ADGRB3: variants seen among roughly 807,000 people sequenced by gnomAD.
ADGRB3 encodes brain-specific angiogenesis inhibitor 3.
Under a neutral mutation model 193.4 loss-of-function variants are expected in ADGRB3, and 37 were observed. That is an observed-to-expected ratio of 0.19 (90% CI 0.15 to 0.25). The LOEUF (loss-of-function observed/expected upper bound fraction) is 0.25, where lower values mean the gene tolerates loss of function less well. ADGRB3 is among the 10% of genes least tolerant of loss of function. The pLI, the probability that ADGRB3 is intolerant of heterozygous loss-of-function variation, is 1.00. For synonymous variants in ADGRB3, 690 were observed against 644.2 expected (o/e 1.07, Z -1.08); for missense variants, 1,637 against 1,852.9 (o/e 0.88, Z 2.14).
intron 11 of ADGRB3, among the ~76,000 whole-genome samples, chr6:69,010,891 A>G (rs145688219): frequency 2.2e-4 from 34 of 152,162 alleles, no homozygotes; most frequent in African/African-American, 7.2e-4. Flanking sequence ...TCCATAAATC[A>G]TCAAAAGAGA....
intron 3 of ADGRB3, among the ~76,000 whole-genome samples, chr6:68,725,035 C>T (rs1322943030): frequency 2.6e-5 from 4 of 151,630 alleles, no homozygotes; most frequent in Admixed American, 2.6e-4. Flanking sequence ...AATTGCACCA[C>T]CAACCACATT....
chr6:69,092,723 T>C (rs564992158), intron 17 of ADGRB3, among the ~76,000 whole-genome samples: 1 of 152,002 alleles, frequency 6.6e-6, no homozygotes, highest in Admixed American at 6.5e-5. Context: ...GCAGAACCAA[T>C]CAGACTAGGG....
At chr6:69,229,638 C>A (rs1192075465) in intron 17 of ADGRB3, among the ~76,000 whole-genome samples, 1 of 152,230 alleles carries the variant, frequency 6.6e-6, no homozygotes, top group South Asian at 2.1e-4. Context: ...TTGGAAAGAT[C>A]AAAAGTATGA....
chr6:68,714,098 T>A (rs1469150235), intron 3 of ADGRB3, among the ~76,000 whole-genome samples: 1 of 151,688 alleles, frequency 6.6e-6, no homozygotes, highest in Admixed American at 6.6e-5. Context: ...TTTGTACTCA[T>A]TTTTTTAACT....
chr6:68,830,341 A>T (rs1397384459), intron 3 of ADGRB3, among the ~76,000 whole-genome samples: 1 of 152,182 alleles, frequency 6.6e-6, no homozygotes, highest in Non-Finnish European at 1.5e-5. Flanking sequence ...AATGGAATTT[A>T]TAATGTGAAC....
intron 3 of ADGRB3, among the ~76,000 whole-genome samples, chr6:68,763,236 G>T (rs917567160): frequency 6.6e-6 from 1 of 151,912 alleles, no homozygotes. Flanking sequence ...GATTACAGGC[G>T]CCCACCATAA....
chr6:69,220,757 A>G lies in ADGRB3; in HGVS notation c.2481-12533A>G, dbSNP rs992680449. On this transcript the variant is annotated intron_variant, in intron 17 of 31. Transcript: ENST00000370598. The stretch of plus-strand genomic sequence containing the variant: ...ATTTCAAACCACTTCCCTTATTAAC[A>G]TATTAAGAAGTAATAGTTCAAAGGA... 2.3e-4 allele frequency among the ~76,000 whole-genome samples: 35 copies of G among 152,278 alleles called. 2 individuals are homozygous for G. The highest frequency in any genetic ancestry group is 2.2e-3 in the Admixed American group (33 of 15,282).
intron 20 of ADGRB3, among the ~76,000 whole-genome samples, chr6:69,307,821 A>G (rs1768098257): frequency 6.6e-6 from 1 of 151,452 alleles, no homozygotes. Flanking sequence ...CAAATGGCTA[A>G]AGGGTGTGAC....
chr6:69,158,435 C>CAAAAAAAAAAAAAAAA (rs371530711), intron 17 of ADGRB3, among the ~76,000 whole-genome samples: 1 of 146,328 alleles, frequency 6.8e-6, no homozygotes. Flanking sequence ...AAAGTTCAGC[C>CAAAAAAAAAAAAAAAA]AAAAAAAAAA....
At chr6:69,325,974 CGGGTGGACTACCTGAGCGT>C (rs576134222) in intron 21 of ADGRB3, among the ~76,000 whole-genome samples, 218 of 152,180 alleles carry the variant, frequency 1.4e-3, no homozygotes, top group African/African-American at 4.8e-3. Context: ...GAAACCAAGG[CGGGTGGACTACCTGAGCGT>C]GGGTGGACTA....
intron 22 of ADGRB3, among the ~76,000 whole-genome samples, chr6:69,330,127 T>C (rs901919856): frequency 2.0e-5 from 3 of 152,142 alleles, no homozygotes; most frequent in African/African-American, 7.2e-5. Context: ...TACACTGGTC[T>C]TGCTTTAAAG....
chr6:68,905,577 C>T (rs962636460), intron 3 of ADGRB3, among the ~76,000 whole-genome samples: 1 of 152,086 alleles, frequency 6.6e-6, no homozygotes, highest in African/African-American at 2.4e-5. Flanking sequence ...CTTGGTTGGT[C>T]AAGCAGTCAA....
At chr6:68,926,108 G>A (rs1025322063) in intron 3 of ADGRB3, among the ~76,000 whole-genome samples, 4 of 151,938 alleles carry the variant, frequency 2.6e-5, no homozygotes, top group East Asian at 3.8e-4. Context: ...AATGGTTCTC[G>A]ACATCTAGAA....
At chr6:68,766,045 G>C (rs1766503192) in intron 3 of ADGRB3, among the ~76,000 whole-genome samples, 1 of 151,760 alleles carries the variant, frequency 6.6e-6, no homozygotes, top group African/African-American at 2.4e-5. Context: ...TTCGTATCAT[G>C]CGTGGATGTA....
In ADGRB3 at chr6:68,958,880, T is replaced by TAATA. The variant is rs879864625; in HGVS notation, c.1525+2071_1525+2072insAATA. Among the ~76,000 whole-genome samples, 631 of 148,018 alleles carry TAATA rather than the reference T, an allele frequency of 4.3e-3. 4 individuals are homozygous for TAATA. The highest frequency in any genetic ancestry group is 5.5e-3 in the East Asian group (28 of 5,104). On this transcript the variant is annotated intron_variant, in intron 8 of 31. Transcript: ENST00000370598. Reference sequence around the variant, plus strand: ...GGGGCAAAGAAAAATAGTGTGTGTGTGTGTGTGTGTGTGTGTGTGTGTGTG... The same window carrying TAATA: ...GGGGCAAAGAAAAATAGTGTGTGTGTAATAGTGTGTGTGTGTGTGTGTGTGTGTG...
At chr6:69,345,465 G>C (rs768806034) in intron 26 of ADGRB3, among the ~76,000 whole-genome samples, 2 of 152,082 alleles carry the variant, frequency 1.3e-5, no homozygotes, top group Non-Finnish European at 1.5e-5. Context: ...ATCAATAAAT[G>C]TAATCCATCA....
At chr6:69,263,536 C>A (rs1766973185) in intron 20 of ADGRB3, among the ~76,000 whole-genome samples, 1 of 152,010 alleles carries the variant, frequency 6.6e-6, no homozygotes, top group Non-Finnish European at 1.5e-5. Flanking sequence ...AATAATCTAA[C>A]AGAAACACGT....
At chr6:68,713,148 T>C (rs1216470790) in intron 3 of ADGRB3, among the ~76,000 whole-genome samples, 92 of 152,058 alleles carry the variant, frequency 6.1e-4, no homozygotes, top group Non-Finnish European at 8.8e-5. Flanking sequence ...AGGGATACCA[T>C]ATGGTGTCAT....
At chr6:69,192,431 G>A (rs962098003) in intron 17 of ADGRB3, among the ~76,000 whole-genome samples, 11 of 151,604 alleles carry the variant, frequency 7.3e-5, no homozygotes, top group African/African-American at 2.7e-4. Context: ...TTGAGGGTGG[G>A]TCTGCCTCTC....
Sources: allele counts gnomAD v4.1 joint callset (sites outside exome capture counted in the v4.1 genomes callset), GRCh38; gene constraint gnomAD v4.1.1; transcripts MANE v1.5; gene names NCBI Gene and HGNC (gene_info 2026-07-23, HGNC 2026-07-21).